Variants in MEMO1 observed in about 807,000 individuals in gnomAD.
MEMO1 encodes the protein protein MEMO1.
A neutral mutation model predicts 45.2 loss-of-function variants in MEMO1; 6 were observed. The observed-to-expected ratio is 0.13, with a 90% CI of 0.07 to 0.26. The LOEUF is 0.26. Ranked by LOEUF, MEMO1 falls within the 10% of genes least tolerant of loss-of-function variation. The pLI is 1.00. For synonymous variants in MEMO1, 78 were observed against 124.3 expected (o/e 0.63, Z 2.48); for missense variants, 184 against 370.5 (o/e 0.50, Z 4.13).
intron 3 of MEMO1, among the ~76,000 whole-genome samples, chr2:31,938,597 G>C (rs964723540): frequency 6.6e-6 from 1 of 151,856 alleles, no homozygotes; most frequent in African/African-American, 2.4e-5. Context: ...GCAGTGAGCT[G>C]AGATCGCGCC....
chr2:31,912,947 T>G (rs953099380), intron 6 of MEMO1, among the ~76,000 whole-genome samples: 2 of 152,214 alleles, frequency 1.3e-5, no homozygotes, highest in Non-Finnish European at 2.9e-5. Context: ...GACTACTATT[T>G]TTTTAAAAAG....
At chr2:31,983,637 T>C (rs539135119) in intron 2 of MEMO1, among the ~76,000 whole-genome samples, 8 of 152,268 alleles carry the variant, frequency 5.3e-5, no homozygotes, top group African/African-American at 1.7e-4. Flanking sequence ...TTTCTCCATG[T>C]TGGTCAGGCT....
intron 2 of MEMO1, among the ~76,000 whole-genome samples, chr2:31,946,296 C>T (rs1191097066): frequency 6.6e-6 from 1 of 151,996 alleles, no homozygotes; most frequent in Non-Finnish European, 1.5e-5. Context: ...TGAAATTAAG[C>T]ATCTACTGTC....
chr2:32,006,964 C>CAAAAA (rs67557055), intron 2 of MEMO1, among the ~76,000 whole-genome samples: 49 of 75,918 alleles, frequency 6.5e-4, no homozygotes, highest in East Asian at 1.2e-3. Context: ...GATTCCATCT[C>CAAAAA]AAAAAAAAAA....
intron 4 of MEMO1, 135 bp from the exon 5 acceptor site, chr2:31,921,045 G>A (rs1381269416): frequency 1.7e-6 from 1 of 578,240 alleles, no homozygotes; most frequent in Non-Finnish European, 3.1e-6. Flanking sequence ...GCTGAACTGT[G>A]TTCCCCTCCA....
In MEMO1 at chr2:31,868,073, G is replaced by A. The variant is rs1351524003; in HGVS notation, c.*288C>T. ...TTAGGATATGGTAAATGCTTTACAA[G>A]TTACTTTCAAAAAACTGTCTGCCAC... On this transcript the variant is annotated 3_prime_UTR_variant, in exon 10 of 10. Coordinates refer to ENST00000404530, the MANE Select transcript of MEMO1 (RefSeq NM_001301833.4). 1.7e-5 allele frequency: 4 copies of A among 234,482 alleles called. No individual in the cohort carries two copies. Among genetic ancestry groups the A allele is most frequent in the Non-Finnish European group, 3.2e-5 (4 of 124,102 alleles). The allele number at this position is 234,482 out of a possible 1,614,324, so 14.5% of individuals were successfully genotyped here. A position where few individuals can be genotyped will look rare whatever the true frequency, so the allele number is the denominator to read the frequency against.
chr2:31,907,741 C>G lies in MEMO1; in HGVS notation c.437+10185G>C, dbSNP rs147002954. 9.8e-3 allele frequency among the ~76,000 whole-genome samples: 1,474 copies of G among 149,754 alleles called. 26 individuals carry two copies. The highest frequency in any genetic ancestry group is 0.051 in the South Asian group (237 of 4,676). ...ACGGGAGGTGGAAGTTGTGGTGAAC[C>G]GAGATCACATCACTGTACTCCAGCA... On this transcript the variant is annotated intron_variant, in intron 6 of 9. Coordinates refer to ENST00000404530, the MANE Select transcript of MEMO1 (RefSeq NM_001301833.4).
intron 2 of MEMO1, among the ~76,000 whole-genome samples, chr2:32,002,845 T>C (rs1466689898): frequency 6.6e-6 from 1 of 152,204 alleles, no homozygotes; most frequent in Non-Finnish European, 1.5e-5. Context: ...AAACTGCATG[T>C]GAAAGGACAA....
chr2:31,999,880 G>T (rs1220288380), intron 2 of MEMO1, among the ~76,000 whole-genome samples: 2 of 147,288 alleles, frequency 1.4e-5, no homozygotes, highest in Non-Finnish European at 3.0e-5. Context: ...CCTGCATCAG[G>T]CATTTTTTTT....
At chr2:31,999,694 C>T (rs892240353) in intron 2 of MEMO1, among the ~76,000 whole-genome samples, 5 of 152,074 alleles carry the variant, frequency 3.3e-5, no homozygotes, top group African/African-American at 1.2e-4. Context: ...CACCTCTTAA[C>T]TCATATGATA....
intron 2 of MEMO1, among the ~76,000 whole-genome samples, chr2:31,995,758 AAAAC>A (rs1672517186): frequency 2.0e-5 from 3 of 152,136 alleles, no homozygotes; most frequent in Admixed American, 6.6e-5. Context: ...AAATTTTCTG[AAAAC>A]TATAACCCAG....
chr2:31,941,710 A>G (rs145541825), intron 3 of MEMO1, among the ~76,000 whole-genome samples: 4 of 152,354 alleles, frequency 2.6e-5, no homozygotes, highest in Admixed American at 1.3e-4. Flanking sequence ...TTATTATTCC[A>G]GCTTTACCAA....
rs75097125 is a variant in MEMO1 at position 31,941,685 on chromosome 2, G to A, written c.143+1617C>T. Among the ~76,000 whole-genome samples, 411 of 152,270 alleles carry A rather than the reference G, an allele frequency of 2.7e-3. 2 individuals carry two copies. The highest frequency in any genetic ancestry group is 5.6e-3 in the Admixed American group (86 of 15,294). On this transcript the variant is annotated intron_variant, in intron 3 of 9. Coordinates refer to ENST00000404530, the MANE Select transcript of MEMO1 (RefSeq NM_001301833.4). ...GTTCATTTAATCTTTTGTTAAAAGC[G>A]TTAAGGAAATACTATTATTATTCCA...
At chr2:31,950,216 A>G (rs918959262) in intron 2 of MEMO1, among the ~76,000 whole-genome samples, 6 of 151,844 alleles carry the variant, frequency 4.0e-5, no homozygotes, top group Admixed American at 3.9e-4. Flanking sequence ...CCCTGTCTCT[A>G]CCAAAAATAC....
intron 2 of MEMO1, among the ~76,000 whole-genome samples, chr2:31,949,734 A>G (rs1666617032): frequency 6.6e-6 from 1 of 151,786 alleles, no homozygotes; most frequent in South Asian, 2.1e-4. Context: ...TTAATCGCTC[A>G]TTTTAAAATA....
At chr2:32,008,022 A>C (rs1260228366) in intron 2 of MEMO1, among the ~76,000 whole-genome samples, 1 of 152,224 alleles carries the variant, frequency 6.6e-6, no homozygotes, top group Non-Finnish European at 1.5e-5. Flanking sequence ...AAATGGCATT[A>C]TTGATTTCAC....
intron 2 of MEMO1, among the ~76,000 whole-genome samples, chr2:31,987,678 G>A (rs1368826409): frequency 2.0e-5 from 3 of 152,132 alleles, no homozygotes; most frequent in Non-Finnish European, 4.4e-5. Flanking sequence ...TTATAGTGGT[G>A]ATGTCACCTT....
Position 32,004,829 on chromosome 2 carries a change from A to G in MEMO1, c.61+5358T>C, listed in dbSNP as rs534898662. On this transcript the variant is annotated intron_variant, in intron 2 of 9. Transcript: ENST00000404530. ...GTAATCCCAGCTACTCGGGATGCTG[A>G]GGCAGGAGAACTGCTTGAACCCGGG... is the stretch of plus-strand genomic sequence containing the variant. Among the ~76,000 whole-genome samples the G allele has an allele frequency of 2.0e-5, 3 of 152,012 alleles. No homozygotes were observed. The East Asian group carries it at 5.8e-4, about 29-fold the overall frequency.
rs767859264 is a variant in MEMO1, at chr2:31,974,511, T to C, written c.62-31128A>G. ...CCTGTAATCCCAGTATTCTGGGGGG[T>C]TGAGGCAGGTGGATCACGAGGTCAA... On this transcript the variant is annotated intron_variant, in intron 2 of 9. Coordinates refer to ENST00000404530, the MANE Select transcript of MEMO1 (RefSeq NM_001301833.4). Among the ~76,000 whole-genome samples, 15 of 151,834 alleles carry C rather than the reference T, an allele frequency of 9.9e-5. 1 individual carries two copies. Among genetic ancestry groups the C allele is most frequent in the Admixed American group, 8.5e-4 (13 of 15,208 alleles).
Sources: allele counts gnomAD v4.1 joint callset (sites outside exome capture counted in the v4.1 genomes callset), GRCh38; gene constraint gnomAD v4.1.1; transcripts MANE v1.5; gene names NCBI Gene and HGNC (gene_info 2026-07-23, HGNC 2026-07-21).